NAV1: variants seen among roughly 807,000 people sequenced by gnomAD.
The protein encoded by NAV1 is pore membrane and/or filament interacting like protein 3.
In NAV1, 18 loss-of-function variants were observed where a neutral mutation model predicts 175.2. The observed-to-expected ratio is 0.10, with a 90% confidence interval of 0.07 to 0.15. NAV1 has a LOEUF of 0.15. Among genes scored for constraint, NAV1 ranks in the 10% least tolerant of loss-of-function variants. The probability of loss-of-function intolerance (pLI) is 1.00; values close to 1 mark genes in which losing one functional copy is unlikely to be tolerated. For synonymous variants in NAV1, 897 were observed against 978.7 expected, an observed-to-expected ratio of 0.92 and a Z score of 1.56; for missense variants, 1,731 against 2,436.6, an observed-to-expected ratio of 0.71 and a Z score of 6.10.
At chr1:201,642,308 G>GT (rs1668792855) in intron 2 of NAV1, among the ~76,000 whole-genome samples, 1 of 150,764 alleles carries the variant, frequency 6.6e-6, no homozygotes, top group Non-Finnish European at 1.5e-5. Context: ...CGCCTCCCGG[G>GT]TTCACACCAT....
chr1:201,558,060 G>A (rs983862722), intron 1 of NAV1, among the ~76,000 whole-genome samples: 1 of 152,226 alleles, frequency 6.6e-6, no homozygotes, highest in Non-Finnish European at 1.5e-5. Flanking sequence ...GTGCGACTTC[G>A]TGCATATTAT....
intron 3 of NAV1, among the ~76,000 whole-genome samples, chr1:201,771,508 A>G (rs1053739084): frequency 6.6e-6 from 1 of 151,694 alleles, no homozygotes; most frequent in Non-Finnish European, 1.5e-5. Flanking sequence ...TAGAAAAAAA[A>G]AAAAAAAAAA....
intron 1 of NAV1, among the ~76,000 whole-genome samples, chr1:201,684,961 C>CAAA (rs35153455): frequency 3.4e-5 from 4 of 119,188 alleles, no homozygotes; most frequent in African/African-American, 9.5e-5. Context: ...GACTCTGTCT[C>CAAA]AAAAAAAAAA....
At chr1:201,690,418 T>C (rs10159457) in intron 1 of NAV1, among the ~76,000 whole-genome samples, 29 of 57,400 alleles carry the variant, frequency 5.1e-4, no homozygotes, top group South Asian at 2.5e-3. Flanking sequence ...CTATTTCCTC[T>C]CTGGCCTGTC....
At chr1:201,664,548 T>C (rs1669740670) in intron 1 of NAV1, among the ~76,000 whole-genome samples, 1 of 152,150 alleles carries the variant, frequency 6.6e-6, no homozygotes, top group Non-Finnish European at 1.5e-5. Context: ...GCCCCAAAAT[T>C]GATTGTTTTA....
chr1:201,739,240 C>A, intron 3 of NAV1: 1 of 152,354 alleles, frequency 6.6e-6, no homozygotes, highest in Non-Finnish European at 1.5e-5. Flanking sequence ...CTCCTGAATG[C>A]TGGAGAGATG....
At chr1:201,706,735 G>A (rs1014435228) in intron 1 of NAV1, among the ~76,000 whole-genome samples, 2 of 152,208 alleles carry the variant, frequency 1.3e-5, no homozygotes, top group Non-Finnish European at 2.9e-5. Context: ...GTCCTCTGTG[G>A]CCTCTGCCCT....
At chr1:201,799,597 C>T (rs191799734) in intron 15 of NAV1, among the ~76,000 whole-genome samples, 128 of 152,278 alleles carry the variant, frequency 8.4e-4, no homozygotes, top group African/African-American at 2.6e-3. Context: ...CGGTGGCTCA[C>T]GCCTATAATC....
At chr1:201,712,721 C>T (rs892986187) in intron 1 of NAV1, 96 bp from the exon 6 acceptor site, 5 of 828,832 alleles carry the variant, frequency 6.0e-6, no homozygotes, top group African/African-American at 1.7e-5. Flanking sequence ...CAGGGACTAG[C>T]CTCCTGGGGA....
chr1:201,595,172 G>T (rs1379794023), intron 2 of NAV1, among the ~76,000 whole-genome samples: 1 of 152,186 alleles, frequency 6.6e-6, no homozygotes, highest in Non-Finnish European at 1.5e-5. Context: ...ATAACCCAGG[G>T]AATCTCAGGC....
chr1:201,754,052 CAT>C (rs1263651821), intron 3 of NAV1, among the ~76,000 whole-genome samples: 3 of 151,926 alleles, frequency 2.0e-5, no homozygotes, highest in African/African-American at 4.8e-5. Context: ...GTTTTTTTTC[CAT>C]ATTGCCTTCT....
intron 3 of NAV1, among the ~76,000 whole-genome samples, chr1:201,774,342 A>G (rs1317595135): frequency 3.3e-5 from 5 of 152,206 alleles, no homozygotes; most frequent in African/African-American, 1.2e-4. Flanking sequence ...ATCTTGAGTG[A>G]CCAGGCAGTT....
chr1:201,647,266 T>C (rs1359069727), upstream of NAV1, among the ~76,000 whole-genome samples: 1 of 152,168 alleles, frequency 6.6e-6, no homozygotes, highest in Non-Finnish European at 1.5e-5. Context: ...CTGGCTCTTG[T>C]TCCCCCTCCA....
At position 201,660,215 on chromosome 1, in the gene NAV1, G is replaced by C. The variant is rs916786144; in HGVS notation, c.757+10790G>C. ...CTATTTGGGGTGGGGGAGCAGGCAG[G>C]CCAGTGCTGCTGCTGCTCCCACTGC... On this transcript the variant is annotated intron_variant, in intron 1 of 29. Transcript: ENST00000367296. 5.3e-5 allele frequency among the ~76,000 whole-genome samples: 8 copies of C among 152,328 alleles called. No individual in the cohort carries two copies. In the South Asian group the frequency reaches 1.5e-3, roughly 28 times the overall value.
At chr1:201,651,122 CGTGTGTGT>C (rs60462710) in intron 1 of NAV1, among the ~76,000 whole-genome samples, 5,962 of 129,134 alleles carry the variant, frequency 0.046, 409 homozygotes, top group African/African-American at 0.15. Flanking sequence ...AGGAAGGGAC[CGTGTGTGT>C]GTGTGTGTGT....
chr1:201,551,731 A>G (rs188138384), intron 1 of NAV1, among the ~76,000 whole-genome samples: 33 of 152,384 alleles, frequency 2.2e-4, no homozygotes, highest in Non-Finnish European at 4.4e-4. Context: ...AGTCAAAAAA[A>G]TAACGTAAAA....
chr1:201,581,441 C>T (rs1666855867), intron 1 of NAV1, among the ~76,000 whole-genome samples: 1 of 151,996 alleles, frequency 6.6e-6, no homozygotes, highest in South Asian at 2.1e-4. Flanking sequence ...TGTGAGCATC[C>T]CAGTAAGGAT....
At chr1:201,805,136 C>T (rs1249772481) in intron 17 of NAV1, among the ~76,000 whole-genome samples, 2 of 152,188 alleles carry the variant, frequency 1.3e-5, no homozygotes, top group African/African-American at 4.8e-5. Flanking sequence ...AACCAGATAC[C>T]TGAGGTCCAC....
At chr1:201,783,407 G>A (rs1676468410) in exon 7 of NAV1, 1 of 1,613,002 alleles carries the variant, frequency 6.2e-7, no homozygotes, top group South Asian at 1.1e-5. Context: ...TTCTCTCAGG[G>A]CCACAGCGAA....
Sources: gnomAD v4.1 joint callset for allele counts (sites outside exome capture counted in the v4.1 genomes callset) on GRCh38, gnomAD v4.1.1 for gene constraint, MANE v1.5 for transcripts, NCBI Gene and HGNC (gene_info 2026-07-23, HGNC 2026-07-21) for gene names.